Variants in ESYT3 observed in about 807,000 individuals in gnomAD.
ESYT3 encodes extended synaptotagmin-3.
Under a neutral mutation model 111.5 loss-of-function variants are expected in ESYT3, and 101 were observed. The observed-to-expected ratio is 0.91, with a 90% CI of 0.77 to 1.07. The LOEUF (loss-of-function observed/expected upper bound fraction) is 1.07. ESYT3 is among the 50% of genes least tolerant of loss of function. The pLI is 0.00. For missense variants in ESYT3, 1,097 were observed against 1,109.4 expected (o/e 0.99, Z 0.16); for synonymous variants, 416 against 446.8 (o/e 0.93, Z 0.87).
chr3:138,476,319 G>T lies in ESYT3; in HGVS notation c.2565G>T (p.Glu855Asp). 6.2e-7 allele frequency: 1 copy of T among 1,612,268 alleles called. No homozygotes were observed. The highest frequency in any genetic ancestry group is 8.5e-7 in the Non-Finnish European group (1 of 1,178,368). The change falls in exon 21 of 23, where the codon GAG becomes GAT. Residue 855 changes from glutamate (E) to aspartate (D), a missense_variant. Transcript: ENST00000389567. Reference protein sequence around the residue: ...SRPLGSHRRKELGKVLIDLSK... With the variant: ...SRPLGSHRRKDLGKVLIDLSK... ...CACTTGGCTCACACAGAAGAAAGGA[G>T]TTAGGAAAAGTAAGTACAAGAGATA...
rs199633328 is a variant in ESYT3, at chr3:138,470,999, C to G, written c.1713C>G (p.Ser571Arg). Residue 571 changes from serine (S) to arginine (R), a missense_variant, in exon 17 of 23, where the codon AGC (serine) becomes AGG (arginine). Ser to Arg is a moderately radical substitution (Grantham distance 110, BLOSUM62 -1). Transcript: ENST00000389567. ...AGCTGGACCACTCAGGCCTGGACAG[C>G]CTCATCTCCATGAGGCTGGTGCTTC... ...RFQLDHSGLD[S>R]LISMRLVLRF... 2 of 1,614,076 alleles carry G rather than the reference C, an allele frequency of 1.2e-6. No homozygotes were observed. Among genetic ancestry groups the G allele is most frequent in the Non-Finnish European group, 1.7e-6 (2 of 1,180,020 alleles).
At chr3:138,456,700 C>G (rs990247442) in intron 3 of ESYT3, among the ~76,000 whole-genome samples, 1 of 152,160 alleles carries the variant, frequency 6.6e-6, no homozygotes, top group Non-Finnish European at 1.5e-5. Context: ...TTATGAGAAG[C>G]TAATGCCTGA....
At chr3:138,448,128 G>A (rs1011721662) in intron 1 of ESYT3, among the ~76,000 whole-genome samples, 4 of 151,706 alleles carry the variant, frequency 2.6e-5, no homozygotes, top group East Asian at 1.9e-4. Flanking sequence ...TTAGCCAGGC[G>A]TGGTGGCAGG....
rs1157730254 is a variant in ESYT3 at position 138,478,329 on chromosome 3, T to TAGAAGATGCATGGTGAAATTC, written c.*1476_*1496dup. ...ACCATCCAAGACCGTGTTAAGTACA[T>TAGAAGATGCATGGTGAAATTC]AGAAGATGCATGGTGAAATTCGTTT... is the stretch of plus-strand genomic sequence containing the variant. On this transcript the variant is annotated 3_prime_UTR_variant, in exon 23 of 23. Coordinates refer to ENST00000389567, the MANE Select transcript of ESYT3 (RefSeq NM_031913.5). The TAGAAGATGCATGGTGAAATTC allele has an allele frequency of 1.3e-5, 2 of 152,202 alleles. No homozygotes were observed. The highest frequency in any genetic ancestry group is 2.4e-5 in the African/African-American group (1 of 41,446). 9.4% of individuals were successfully genotyped at this position (152,202 alleles called of 1,614,324 possible). A position where few individuals can be genotyped will look rare whatever the true frequency, so the allele number is the denominator to read the frequency against.
At chr3:138,451,326 G>A (rs2031911959) in intron 1 of ESYT3, among the ~76,000 whole-genome samples, 1 of 152,156 alleles carries the variant, frequency 6.6e-6, no homozygotes, top group African/African-American at 2.4e-5. Flanking sequence ...AGCCAAGGTG[G>A]GCAGAGGTGG....
At chr3:138,458,066 C>T (rs147665688) in intron 4 of ESYT3, among the ~76,000 whole-genome samples, 11 of 152,264 alleles carry the variant, frequency 7.2e-5, no homozygotes, top group African/African-American at 2.6e-4. Context: ...GCAAGGATAT[C>T]TCTTTGAAAT....
chr3:138,460,792 A>G, intron 7 of ESYT3, 126 bp downstream of exon 7: 2 of 1,092,106 alleles, frequency 1.8e-6, no homozygotes, highest in Non-Finnish European at 2.8e-6. Flanking sequence ...AGGGAGAAGC[A>G]TTGGTCTGTT....
chr3:138,460,348 C>G (rs2032555224), intron 6 of ESYT3, among the ~76,000 whole-genome samples: 1 of 152,184 alleles, frequency 6.6e-6, no homozygotes, highest in South Asian at 2.1e-4. Flanking sequence ...GGGGTTCTGC[C>G]TGGGAAGCAG....
intron 2 of ESYT3, among the ~76,000 whole-genome samples, chr3:138,452,495 T>G (rs999323610): frequency 6.6e-6 from 1 of 152,148 alleles, no homozygotes; most frequent in Non-Finnish European, 1.5e-5. Flanking sequence ...GGCTTCCTTA[T>G]CCGTAAAATG....
rs1196845714 is a variant in ESYT3, at chr3:138,440,197, C to T, written c.327+5072C>T. The stretch of plus-strand genomic sequence containing the variant: ...CTAACTGGGTGCGCACTGGGGCTGC[C>T]GGCAGAAGCAAGCACCAGGGGAAAA... On this transcript the variant is annotated intron_variant, in intron 1 of 22. Transcript: ENST00000389567. This position sits in a 1 kb window ranked among gnomAD's most constrained non-coding sequence, Gnocchi z 4.2. Among the ~76,000 whole-genome samples, 5 of 152,292 alleles carry T rather than the reference C, an allele frequency of 3.3e-5. No homozygotes were observed. The highest frequency in any genetic ancestry group is 9.6e-5 in the African/African-American group (4 of 41,570).
Position 138,476,490 on chromosome 3 carries a change from A to G in ESYT3, c.2622A>G (p.Gln874=). The part of the protein sequence containing the change: ...SKEDLIKGFS[Q]WYELTPNGQP... ...AAGATCTGATTAAGGGCTTTTCACA[A>G]TGGTAAGTGTGCCCTTTCATTTTAT... Residue 874 remains glutamine, a splice_region_variant and synonymous_variant, in exon 22 of 23, where the codon CAA becomes CAG. Coordinates refer to ENST00000389567, the MANE Select transcript of ESYT3 (RefSeq NM_031913.5). The G allele has an allele frequency of 3.1e-6, 5 of 1,613,318 alleles. No homozygotes were observed. The highest frequency in any genetic ancestry group is 3.4e-6 in the Non-Finnish European group (4 of 1,179,874).
rs1209868711 is a variant in ESYT3, at chr3:138,435,843, G to A, written c.327+718G>A. On this transcript the variant is annotated intron_variant, in intron 1 of 22. Coordinates refer to ENST00000389567, the MANE Select transcript of ESYT3 (RefSeq NM_031913.5). This position sits in a 1 kb window ranked among gnomAD's most constrained non-coding sequence, Gnocchi z 4.8. ...GGCCCCATTGCATAACTCCCAGGGTGGCACAGAGGTATCCTGGGTGATTCT... is the reference window on the plus strand; with the variant it reads ...GGCCCCATTGCATAACTCCCAGGGTAGCACAGAGGTATCCTGGGTGATTCT... 6.6e-6 allele frequency among the ~76,000 whole-genome samples: 1 copy of A among 152,214 alleles called. No homozygotes were observed. Among genetic ancestry groups the A allele is most frequent in the Non-Finnish European group, 1.5e-5 (1 of 68,036 alleles).
At chr3:138,465,492 C>A in intron 10 of ESYT3, 71 bp downstream of exon 10, 2 of 1,225,674 alleles carry the variant, frequency 1.6e-6, no homozygotes, top group South Asian at 1.3e-5. Context: ...GCTAGATACC[C>A]TGCTCCTACC....
At chr3:138,472,957 T>A (rs2033307631) in intron 18 of ESYT3, 98 bp downstream of exon 18, 1 of 1,518,482 alleles carries the variant, frequency 6.6e-7, no homozygotes, top group Admixed American at 2.1e-5. Context: ...CTGTGCAAGT[T>A]GTTTTTTCAC....
In ESYT3 at chr3:138,476,829, C is replaced by G. The variant is rs2033507314; in HGVS notation, c.2636C>G (p.Thr879Ser). 5 of 1,613,920 alleles carry G rather than the reference C, an allele frequency of 3.1e-6. No individual in the cohort carries two copies. The highest frequency in any genetic ancestry group is 4.2e-6 in the Non-Finnish European group (5 of 1,179,928). ...IKGFSQWYELTPNGQPRS is the reference protein window; with the variant it reads ...IKGFSQWYELSPNGQPRS ...TAACTGTCTTACAGGTATGAGCTGA[C>G]TCCAAATGGACAGCCCAGAAGCTGA... The change falls in exon 23 of 23, where the codon ACT (threonine) becomes AGT (serine). Residue 879 changes from threonine to serine, a missense_variant. By Grantham distance (58) the Thr-to-Ser change is moderately conservative. Transcript: ENST00000389567.
intron 7 of ESYT3, among the ~76,000 whole-genome samples, chr3:138,461,063 A>G (rs978513564): frequency 2.0e-5 from 3 of 152,196 alleles, no homozygotes; most frequent in Non-Finnish European, 4.4e-5. Context: ...TCACTGAGCA[A>G]CTGAGTGAAT....
chr3:138,474,357 G>A lies in ESYT3; in HGVS notation c.2468+5G>A. On this transcript the variant is annotated splice_donor_5th_base_variant and intron_variant, in intron 20 of 22. Coordinates refer to ENST00000389567, the MANE Select transcript of ESYT3 (RefSeq NM_031913.5). ...GGAACCCCTGTTTGATGAGACGTAA[G>A]TGGGCTGGTGGCCTGCCTAGAGTGC... The A allele has an allele frequency of 6.3e-7, 1 of 1,585,136 alleles. No individual in the cohort carries two copies. Among genetic ancestry groups the A allele is most frequent in the Non-Finnish European group, 8.5e-7 (1 of 1,171,574 alleles).
intron 4 of ESYT3, among the ~76,000 whole-genome samples, chr3:138,458,587 G>A (rs1410259340): frequency 1.3e-5 from 2 of 152,248 alleles, no homozygotes; most frequent in African/African-American, 2.4e-5. Flanking sequence ...CTCCTTCAGT[G>A]CTTTCACAGG....
chr3:138,448,469 A>G (rs746169939), intron 1 of ESYT3, among the ~76,000 whole-genome samples: 1 of 149,998 alleles, frequency 6.7e-6, no homozygotes, highest in East Asian at 1.9e-4. Context: ...AAGGAAAAAG[A>G]TGCAATTTTT....
Sources: allele counts gnomAD v4.1 joint callset (sites outside exome capture counted in the v4.1 genomes callset), GRCh38; gene constraint gnomAD v4.1.1; non-coding constraint Gnocchi (gnomAD v3.1); transcripts MANE v1.5; gene names NCBI Gene and HGNC (gene_info 2026-07-23, HGNC 2026-07-21).